SMCHD1: variants seen among roughly 807,000 people sequenced by gnomAD.
SMCHD1 encodes the protein structural maintenance of chromosomes flexible hinge domain containing 1.
Under a neutral mutation model 254.7 loss-of-function variants are expected in SMCHD1, and 78 were observed. The observed-to-expected ratio is 0.31, with a 90% CI of 0.26 to 0.37. SMCHD1 has a LOEUF of 0.37. SMCHD1 is among the 10% of genes least tolerant of loss of function. The pLI is 1.00. For synonymous variants in SMCHD1, 766 were observed against 794.9 expected, an observed-to-expected ratio of 0.96 and a Z score of 0.61; for missense variants, 1,840 against 2,408.1, an observed-to-expected ratio of 0.76 and a Z score of 4.94.
rs1000578392 is a variant in SMCHD1, at chr18:2,659,078, T to C, written c.186+2817T>C. ...TGTAAATTAAACCAATAAATGTTTG[T>C]AGTGTCAGGCAGTATTATGGGTGAT... On this transcript the variant is annotated intron_variant, in intron 1 of 47. Coordinates refer to ENST00000320876, the MANE Select transcript of SMCHD1 (RefSeq NM_015295.3). Among the ~76,000 whole-genome samples, 9 of 152,324 alleles carry C rather than the reference T, an allele frequency of 5.9e-5. No homozygotes were observed. In the South Asian group the frequency reaches 6.2e-4, roughly 11 times the overall value.
Position 2,769,971 on chromosome 18 carries a change from C to A in SMCHD1, c.4847-18C>A. 6.4e-7 allele frequency: 1 copy of A among 1,568,718 alleles called. No homozygotes were observed. Among genetic ancestry groups the A allele is most frequent in the South Asian group, 1.2e-5 (1 of 82,594 alleles). On this transcript the variant is annotated intron_variant, in intron 38 of 47. Coordinates refer to ENST00000320876, the MANE Select transcript of SMCHD1 (RefSeq NM_015295.3). ...TCAGTTTTTAAATTATTTAAATTATCTCAATTTTTTTTCTTAGATGTTAAG... is the reference window on the plus strand; with the variant it reads ...TCAGTTTTTAAATTATTTAAATTATATCAATTTTTTTTCTTAGATGTTAAG...
chr18:2,721,365 C>G (rs1232303030), intron 19 of SMCHD1, among the ~76,000 whole-genome samples: 1 of 151,934 alleles, frequency 6.6e-6, no homozygotes, highest in Non-Finnish European at 1.5e-5. Flanking sequence ...GAAGGCCCAC[C>G]TTGGAGTGTG....
At chr18:2,750,326 C>G in intron 31 of SMCHD1, 24 bp from the exon 32 acceptor site, 1 of 1,581,154 alleles carries the variant, frequency 6.3e-7, no homozygotes, top group Non-Finnish European at 8.6e-7. Flanking sequence ...TAATTTGAAC[C>G]CCTCTCCTCT....
Position 2,710,515 on chromosome 18 carries a change from G to A in SMCHD1, c.2260+2595G>A, listed in dbSNP as rs531938702. 2.7e-4 allele frequency among the ~76,000 whole-genome samples: 41 copies of A among 152,272 alleles called. No homozygotes were observed. The South Asian group carries it at 7.9e-3, about 29-fold the overall frequency. On this transcript the variant is annotated intron_variant, in intron 17 of 47. Transcript: ENST00000320876. ...TTAGCAATTGTAAGTCATTCAATCC[G>A]TGAACATGATTTTGTATCTGCAACT... is the stretch of plus-strand genomic sequence containing the variant.
At chr18:2,661,086 C>G (rs935333594) in intron 1 of SMCHD1, among the ~76,000 whole-genome samples, 20 of 152,090 alleles carry the variant, frequency 1.3e-4, no homozygotes, top group Non-Finnish European at 1.0e-4. Flanking sequence ...GAACAGAAAA[C>G]CAAACACTGC....
rs371084711 is a variant in SMCHD1 at position 2,706,394 on chromosome 18, A to G, written c.1987A>G (p.Thr663Ala). The G allele has an allele frequency of 3.8e-6, 6 of 1,589,856 alleles. No individual in the cohort carries two copies. In the African/African-American group the frequency reaches 6.7e-5, roughly 18 times the overall value. Residue 663 changes from threonine to alanine, a missense_variant, in exon 15 of 48, where the codon ACT becomes GCT. This residue lies in a region of SMCHD1 where 498 missense variants were observed against 743.5 expected (regional missense o/e 0.67). Coordinates refer to ENST00000320876, the MANE Select transcript of SMCHD1 (RefSeq NM_015295.3). ...TCAGGCACTATATGATGAAGTAAGA[A>G]CTGTGCCAATTGCAAAGCTGGATAG... ...EPQALYDEVR[T>A]VPIAKLDRTV...
rs1168727497 is a variant in SMCHD1, at chr18:2,728,676, C to G, written c.2913+80C>G. ...CTATTTTAGCCACTTAATAGTAAGT[C>G]TTACACAGGATTTAAGTCTGAAACG... On this transcript the variant is annotated intron_variant, in intron 23 of 47. Coordinates refer to ENST00000320876, the MANE Select transcript of SMCHD1 (RefSeq NM_015295.3). The G allele has an allele frequency of 3.6e-6, 5 of 1,405,348 alleles. No individual in the cohort carries two copies. The East Asian group carries it at 7.3e-5, about 20-fold the overall frequency. The allele number at this position is 1,405,348 out of a possible 1,614,324, so 87.1% of individuals were successfully genotyped here.
chr18:2,728,364 T>G (rs948689333), intron 22 of SMCHD1, 93 bp from the exon 23 acceptor site: 1 of 1,225,686 alleles, frequency 8.2e-7, no homozygotes, highest in Non-Finnish European at 1.1e-6. Context: ...TATAAAATAT[T>G]AAGTCTTTAA....
chr18:2,703,668 A>G (rs1056536078), intron 12 of SMCHD1, 24 bp from the exon 13 acceptor site: 3 of 1,583,112 alleles, frequency 1.9e-6, no homozygotes, highest in Non-Finnish European at 1.7e-6. Flanking sequence ...GCTATATTTC[A>G]TAAAACATTT....
At chr18:2,752,581 A>G (rs2143632600) in intron 34 of SMCHD1, 29 bp downstream of exon 34, 1 of 1,405,678 alleles carries the variant, frequency 7.1e-7, no homozygotes. Flanking sequence ...CATATTTTGA[A>G]TACATATCTT....
At chr18:2,769,872 A>G in intron 38 of SMCHD1, 52 bp downstream of exon 38, 1 of 1,567,326 alleles carries the variant, frequency 6.4e-7, no homozygotes, top group Non-Finnish European at 8.7e-7. Context: ...GATACTTTAG[A>G]TAACCTTGTT....
chr18:2,675,085 G>T (rs1430280522), intron 5 of SMCHD1, among the ~76,000 whole-genome samples: 14 of 152,194 alleles, frequency 9.2e-5, no homozygotes. Flanking sequence ...TTACTTCTCT[G>T]TGCCTCAGCT....
chr18:2,718,278 G>A lies in SMCHD1; in HGVS notation c.2339-37G>A. ...ATGTTAAAAAATACATTGGTATTGT[G>A]TTGACTTGATTTTTAATTTCTTCTT... On this transcript the variant is annotated intron_variant, in intron 18 of 47. Coordinates refer to ENST00000320876, the MANE Select transcript of SMCHD1 (RefSeq NM_015295.3). The surrounding 1 kb of genome is among the most constrained non-coding windows in gnomAD (Gnocchi z 4.6). 1 of 1,608,956 alleles carries A rather than the reference G, an allele frequency of 6.2e-7. No individual in the cohort carries two copies.
At position 2,772,302 on chromosome 18, in the gene SMCHD1, T is replaced by C. The variant is rs1383582911; in HGVS notation, c.5105T>C (p.Leu1702Pro). Residue 1702 changes from leucine (L) to proline (P), a missense_variant, in exon 41 of 48, where the codon CTG (leucine) becomes CCG (proline). By Grantham distance (98) the Leu-to-Pro change is moderately conservative (BLOSUM62 -3). Coordinates refer to ENST00000320876, the MANE Select transcript of SMCHD1 (RefSeq NM_015295.3). ...AGAAAGCTATCAGAACAAGAAGAAC[T>C]GAAGAAAAAACCTAGAAGATCGTGT... ...LKRKLSEQEE[L>P]KKKPRRSCTL... The C allele has an allele frequency of 6.2e-7, 1 of 1,608,296 alleles. No homozygotes were observed. The highest frequency in any genetic ancestry group is 8.5e-7 in the Non-Finnish European group (1 of 1,177,850).
At chr18:2,782,639 G>C (rs908179424) in intron 44 of SMCHD1, among the ~76,000 whole-genome samples, 1 of 149,056 alleles carries the variant, frequency 6.7e-6, no homozygotes, top group African/African-American at 2.5e-5. Context: ...CAGCTATTCA[G>C]GTGGCTCAGT....
chr18:2,795,451 T>C (rs1327278443), intron 45 of SMCHD1, among the ~76,000 whole-genome samples: 2 of 152,246 alleles, frequency 1.3e-5, no homozygotes, highest in Non-Finnish European at 2.9e-5. Flanking sequence ...ATTAATGAGT[T>C]GCATTGCTGC....
At chr18:2,689,485 T>A (rs2074126059) in intron 7 of SMCHD1, among the ~76,000 whole-genome samples, 1 of 151,978 alleles carries the variant, frequency 6.6e-6, no homozygotes, top group Non-Finnish European at 1.5e-5. Context: ...CCTCCCAAAG[T>A]GCTAGGATTA....
At chr18:2,767,745 C>G (rs2075895639) in intron 37 of SMCHD1, among the ~76,000 whole-genome samples, 1 of 151,720 alleles carries the variant, frequency 6.6e-6, no homozygotes, top group Non-Finnish European at 1.5e-5. Context: ...GCGTGCCCAC[C>G]ACACCCAGCT....
intron 29 of SMCHD1, among the ~76,000 whole-genome samples, chr18:2,744,942 C>T (rs1163930765): frequency 1.3e-5 from 2 of 152,184 alleles, no homozygotes; most frequent in African/African-American, 4.8e-5. Flanking sequence ...CTCCTGGGTT[C>T]AAGCGATTAT....
Sources: gnomAD v4.1 joint callset for allele counts (sites outside exome capture counted in the v4.1 genomes callset) on GRCh38, gnomAD v4.1.1 for gene constraint, gnomAD v4.1.1 regional missense constraint, Gnocchi (gnomAD v3.1) non-coding constraint, MANE v1.5 for transcripts, NCBI Gene and HGNC (gene_info 2026-07-23, HGNC 2026-07-21) for gene names.